Variants in DSCAM observed in about 807,000 individuals in gnomAD.
The protein encoded by DSCAM is DS cell adhesion molecule, also known as cell adhesion molecule DSCAM.
Under a neutral mutation model 217.7 loss-of-function variants are expected in DSCAM, and 47 were observed. That is an observed-to-expected ratio of 0.22 (90% CI 0.17 to 0.28). The LOEUF is 0.28. Among genes scored for constraint, DSCAM ranks in the 10% least tolerant of loss-of-function variants. The pLI is 1.00. For missense variants in DSCAM, 2,080 were observed against 2,618.3 expected (o/e 0.79, Z 4.49); for synonymous variants, 1,056 against 1,015.3 (o/e 1.04, Z -0.76).
At chr21:40,038,801 A>G (rs1601255688) in intron 32 of DSCAM, among the ~76,000 whole-genome samples, 2 of 150,658 alleles carry the variant, frequency 1.3e-5, no homozygotes, top group South Asian at 2.2e-4. Context: ...GATTAAGAAA[A>G]TGTGGCACAT....
At position 40,179,022 on chromosome 21, in the gene DSCAM, T is replaced by C; in HGVS notation, c.2852A>G (p.His951Arg). 1 of 1,613,146 alleles carries C rather than the reference T, an allele frequency of 6.2e-7. No individual in the cohort carries two copies. ...GCGGATGCTGTAGGTGGAGGAAGGGTGGATATCAATGATGGTGGCCGAGTT... is the reference window on the plus strand; with the variant it reads ...GCGGATGCTGTAGGTGGAGGAAGGGCGGATATCAATGATGGTGGCCGAGTT... ...QLNSATIIDI[H>R]PSSTYSIRMY... Residue 951 changes from histidine (H) to arginine (R), a missense_variant, in exon 15 of 33, where the codon CAC becomes CGC. His to Arg is a conservative substitution (Grantham distance 29). Coordinates refer to ENST00000400454, the MANE Select transcript of DSCAM (RefSeq NM_001389.5).
intron 3 of DSCAM, among the ~76,000 whole-genome samples, chr21:40,496,013 G>A (rs532384533): frequency 1.1e-4 from 17 of 152,160 alleles, no homozygotes; most frequent in Non-Finnish European, 5.9e-5. Flanking sequence ...CTACGACATT[G>A]TTAAAAGAAA....
intron 10 of DSCAM, among the ~76,000 whole-genome samples, chr21:40,284,292 G>T (rs2073799393): frequency 6.6e-6 from 1 of 152,212 alleles, no homozygotes; most frequent in South Asian, 2.1e-4. Context: ...CCACTGGCTT[G>T]GTTCCAGGCT....
At chr21:40,191,689 G>A (rs547272430) in intron 11 of DSCAM, among the ~76,000 whole-genome samples, 7 of 152,212 alleles carry the variant, frequency 4.6e-5, no homozygotes, top group Admixed American at 1.3e-4. Context: ...CAGTTCTGGA[G>A]GCTGGAATTC....
chr21:40,190,119 G>A (rs768641808), intron 11 of DSCAM, among the ~76,000 whole-genome samples: 19 of 152,024 alleles, frequency 1.2e-4, no homozygotes, highest in East Asian at 3.9e-4. Flanking sequence ...AGAGAATCTC[G>A]TCTCCAATTT....
intron 10 of DSCAM, among the ~76,000 whole-genome samples, chr21:40,288,494 T>C (rs2073854037): frequency 1.3e-5 from 2 of 151,988 alleles, no homozygotes; most frequent in African/African-American, 4.8e-5. Context: ...AAAATAAAAG[T>C]CACAAGGGGA....
intron 6 of DSCAM, among the ~76,000 whole-genome samples, chr21:40,341,897 T>A (rs1449468278): frequency 6.6e-6 from 1 of 152,192 alleles, no homozygotes; most frequent in Non-Finnish European, 1.5e-5. Context: ...TTCAGCCTCT[T>A]TTCATCTGGA....
chr21:40,125,052 A>T (rs1052661277), intron 19 of DSCAM, among the ~76,000 whole-genome samples: 1 of 151,962 alleles, frequency 6.6e-6, no homozygotes, highest in Non-Finnish European at 1.5e-5. Flanking sequence ...GCCATCAGAG[A>T]CCCCACCCTC....
At chr21:40,285,086 C>T (rs1229884846) in intron 10 of DSCAM, among the ~76,000 whole-genome samples, 2 of 152,078 alleles carry the variant, frequency 1.3e-5, no homozygotes, top group Non-Finnish European at 2.9e-5. Context: ...GGGAATTGGC[C>T]CTTCACTCAC....
chr21:40,055,482 G>C (rs1416734638), intron 29 of DSCAM, among the ~76,000 whole-genome samples: 2 of 152,088 alleles, frequency 1.3e-5, no homozygotes, highest in Non-Finnish European at 2.9e-5. Flanking sequence ...AGGGATTTCT[G>C]TCCCAAATGC....
At chr21:40,495,317 C>T (rs1423466078) in intron 3 of DSCAM, among the ~76,000 whole-genome samples, 3 of 152,052 alleles carry the variant, frequency 2.0e-5, no homozygotes, top group Admixed American at 6.6e-5. Context: ...AATTCAACAG[C>T]GCACTACAAA....
intron 3 of DSCAM, among the ~76,000 whole-genome samples, chr21:40,612,396 A>C (rs2089327764): frequency 6.6e-6 from 1 of 152,192 alleles, no homozygotes; most frequent in Non-Finnish European, 1.5e-5. Context: ...ACTACCCAGA[A>C]AGCACCATGC....
At chr21:40,808,928 A>G (rs1447896207) in intron 1 of DSCAM, among the ~76,000 whole-genome samples, 1 of 152,190 alleles carries the variant, frequency 6.6e-6, no homozygotes, top group Non-Finnish European at 1.5e-5. Flanking sequence ...CATCAGCTCC[A>G]GGCTCCTTAA....
rs1263546019 is a variant in DSCAM, at chr21:40,140,027, G to A, written c.3406+2531C>T. Among the ~76,000 whole-genome samples, 10 of 151,840 alleles carry A rather than the reference G, an allele frequency of 6.6e-5. No individual in the cohort carries two copies. The East Asian group carries it at 1.7e-3, about 26-fold the overall frequency. On this transcript the variant is annotated intron_variant, in intron 18 of 32. Coordinates refer to ENST00000400454, the MANE Select transcript of DSCAM (RefSeq NM_001389.5). Reference sequence around the variant, plus strand: ...GCATGTATGTGTGGTGTGTGCGCACGTGTATGTGGTGTCGGTCAGCAGTCA... The same window carrying A: ...GCATGTATGTGTGGTGTGTGCGCACATGTATGTGGTGTCGGTCAGCAGTCA...
At chr21:40,719,006 C>G (rs897138924) in intron 1 of DSCAM, among the ~76,000 whole-genome samples, 1 of 152,068 alleles carries the variant, frequency 6.6e-6, no homozygotes, top group African/African-American at 2.4e-5. Flanking sequence ...GTCCCAGCTA[C>G]TCAGGAGGCA....
rs140461094 is a variant in DSCAM at position 40,044,112 on chromosome 21, G to A, written c.5349C>T (p.Ser1783=). Residue 1783 remains serine, a synonymous_variant, in exon 31 of 33, where the codon AGC becomes AGT. Coordinates refer to ENST00000400454, the MANE Select transcript of DSCAM (RefSeq NM_001389.5). ...PRAAGSVDKE[S]DSYSVSPSQD... ...GCGAGGGGCTGACGCTGTAACTGTCGCTCTCTTTGTCTACTGATCCTGCAG... is the reference window on the plus strand; with the variant it reads ...GCGAGGGGCTGACGCTGTAACTGTCACTCTCTTTGTCTACTGATCCTGCAG... 1.9e-5 allele frequency: 31 copies of A among 1,614,000 alleles called. No homozygotes were observed. The East Asian group carries it at 3.1e-4, about 16-fold the overall frequency.
At position 40,780,423 on chromosome 21, in the gene DSCAM, G is replaced by GTGTGTGTATATATATA. The variant is rs1007015659; in HGVS notation, c.43+66195_43+66196insTATATATATACACACA. ...CGTGTGTGTGTGTGTGTGTGTGTGT[G>GTGTGTGTATATATATA]TATATATATATATATATATATATAT... is the stretch of plus-strand genomic sequence containing the variant. On this transcript the variant is annotated intron_variant, in intron 1 of 32. Coordinates refer to ENST00000400454, the MANE Select transcript of DSCAM (RefSeq NM_001389.5). Among the ~76,000 whole-genome samples, 224 of 56,398 alleles carry GTGTGTGTATATATATA rather than the reference G, an allele frequency of 4.0e-3. 3 individuals carry two copies. Among genetic ancestry groups the GTGTGTGTATATATATA allele is most frequent in the Non-Finnish European group, 6.2e-3 (186 of 30,128 alleles). The allele number at this position is 56,398 out of a possible 152,430, so 37.0% of individuals were successfully genotyped here. A position where few individuals can be genotyped will look rare whatever the true frequency, so the allele number is the denominator to read the frequency against.
intron 8 of DSCAM, among the ~76,000 whole-genome samples, chr21:40,324,097 C>T (rs1478931926): frequency 1.9e-5 from 1 of 52,384 alleles, no homozygotes; most frequent in Non-Finnish European, 3.4e-5. Context: ...GAGTGAAACT[C>T]TGTCTCAAAA....
At chr21:40,030,673 C>T (rs2088504418) in intron 32 of DSCAM, among the ~76,000 whole-genome samples, 1 of 152,154 alleles carries the variant, frequency 6.6e-6, no homozygotes, top group South Asian at 2.1e-4. Flanking sequence ...GCTGTTCACG[C>T]CCACTCGATG....
Sources: allele counts gnomAD v4.1 joint callset (sites outside exome capture counted in the v4.1 genomes callset), GRCh38; gene constraint gnomAD v4.1.1; transcripts MANE v1.5; gene names NCBI Gene and HGNC (gene_info 2026-07-23, HGNC 2026-07-21).